C1orf21: variants seen among roughly 807,000 people sequenced by gnomAD.
The protein encoded by C1orf21 is chromosome 1 open reading frame 21, also known as uncharacterized protein C1orf21.
Under a neutral mutation model 18.7 loss-of-function variants are expected in C1orf21, and 3 were observed. That is an observed-to-expected ratio of 0.16 (90% CI 0.07 to 0.42). The LOEUF (loss-of-function observed/expected upper bound fraction) is 0.42. Among genes scored for constraint, C1orf21 ranks in the 10% least tolerant of loss-of-function variants. The pLI is 0.99. For missense variants in C1orf21, 104 were observed against 143.6 expected, an observed-to-expected ratio of 0.72 and a Z score of 1.41; for synonymous variants, 41 against 46.4, an observed-to-expected ratio of 0.88 and a Z score of 0.47.
chr1:184,481,285 C>A (rs567123781), intron 2 of C1orf21, among the ~76,000 whole-genome samples: 1 of 152,318 alleles, frequency 6.6e-6, no homozygotes, highest in Non-Finnish European at 1.5e-5. Flanking sequence ...GGTGGGTCAG[C>A]TGTGGTGACA....
At chr1:184,509,690 A>G (rs1658116335) in intron 3 of C1orf21, among the ~76,000 whole-genome samples, 1 of 152,172 alleles carries the variant, frequency 6.6e-6, no homozygotes, top group South Asian at 2.1e-4. Context: ...TAGATTTAAC[A>G]ATTCTTTTTT....
chr1:184,495,702 G>A (rs1657883441), intron 2 of C1orf21, among the ~76,000 whole-genome samples: 1 of 151,800 alleles, frequency 6.6e-6, no homozygotes, highest in South Asian at 2.1e-4. Context: ...CGGGTGGATC[G>A]TGAGGTCAGG....
chr1:184,604,315 G>A (rs890841632), intron 5 of C1orf21, among the ~76,000 whole-genome samples: 3 of 152,250 alleles, frequency 2.0e-5, no homozygotes, highest in Non-Finnish European at 4.4e-5. Flanking sequence ...CCTGCCCCAC[G>A]TGTGCAGAGA....
intron 1 of C1orf21, among the ~76,000 whole-genome samples, chr1:184,398,644 G>A (rs1258597311): frequency 6.6e-6 from 1 of 152,124 alleles, no homozygotes; most frequent in African/African-American, 2.4e-5. Flanking sequence ...GGTATAGCTT[G>A]CTGCACACCT....
At chr1:184,404,937 G>A (rs1351393942) in intron 1 of C1orf21, among the ~76,000 whole-genome samples, 1 of 152,130 alleles carries the variant, frequency 6.6e-6, no homozygotes, top group Non-Finnish European at 1.5e-5. Context: ...GCCTTCCACA[G>A]ATTTCCATCC....
chr1:184,603,465 A>G (rs1011026721), intron 5 of C1orf21, among the ~76,000 whole-genome samples: 2 of 152,220 alleles, frequency 1.3e-5, no homozygotes, highest in Non-Finnish European at 2.9e-5. Context: ...ACTCTGAGAA[A>G]GAGCAGTATG....
intron 1 of C1orf21, among the ~76,000 whole-genome samples, chr1:184,392,554 A>T (rs1253351167): frequency 2.6e-5 from 4 of 152,256 alleles, no homozygotes; most frequent in South Asian, 2.1e-4. Context: ...CAATATATCC[A>T]TGTCACAGAA....
chr1:184,458,586 A>G (rs1657255516), intron 1 of C1orf21, among the ~76,000 whole-genome samples: 1 of 152,208 alleles, frequency 6.6e-6, no homozygotes, highest in Non-Finnish European at 1.5e-5. Flanking sequence ...ATAATTTGAA[A>G]CAGCTCCAAA....
intron 1 of C1orf21, among the ~76,000 whole-genome samples, chr1:184,388,059 G>A (rs546131054): frequency 2.6e-5 from 4 of 152,304 alleles, no homozygotes; most frequent in African/African-American, 9.6e-5. Flanking sequence ...AAGTGCCGCC[G>A]CCGCGGCTGC....
chr1:184,560,302 A>G (rs1166088821), intron 3 of C1orf21, among the ~76,000 whole-genome samples: 1 of 152,202 alleles, frequency 6.6e-6, no homozygotes, highest in East Asian at 1.9e-4. Context: ...ATGACTTTGG[A>G]GAGTAATTCA....
At chr1:184,460,617 G>A (rs866726283) in intron 1 of C1orf21, among the ~76,000 whole-genome samples, 7 of 116,480 alleles carry the variant, frequency 6.0e-5, no homozygotes, top group African/African-American at 1.1e-4. Flanking sequence ...TATTGTCGTC[G>A]TCGTCTTCTT....
At chr1:184,406,747 C>T (rs1050441865) in intron 1 of C1orf21, among the ~76,000 whole-genome samples, 1 of 152,124 alleles carries the variant, frequency 6.6e-6, no homozygotes, top group South Asian at 2.1e-4. Context: ...ATGGGTTTGT[C>T]ACAGTAAGTG....
intron 3 of C1orf21, among the ~76,000 whole-genome samples, chr1:184,582,938 A>T (rs1659296460): frequency 6.6e-6 from 1 of 152,172 alleles, no homozygotes; most frequent in African/African-American, 2.4e-5. Flanking sequence ...TCCCGGTTTC[A>T]AGAGATTCTC....
chr1:184,430,394 T>C (rs1005748657), intron 1 of C1orf21, among the ~76,000 whole-genome samples: 5 of 152,220 alleles, frequency 3.3e-5, no homozygotes, highest in African/African-American at 1.2e-4. Context: ...AGTTTACGAT[T>C]TGTAAGGCTT....
chr1:184,497,698 G>C (rs1426892121), intron 2 of C1orf21, among the ~76,000 whole-genome samples: 1 of 152,158 alleles, frequency 6.6e-6, no homozygotes, highest in African/African-American at 2.4e-5. Flanking sequence ...AAATGACTCT[G>C]TCCAGTTTCT....
intron 3 of C1orf21, chr1:184,542,571 A>G (rs1055329041): frequency 2.0e-5 from 3 of 152,234 alleles, no homozygotes; most frequent in Admixed American, 6.5e-5. Context: ...CCTGGCAAGC[A>G]TGTCAGAATT....
At chr1:184,544,090 A>T (rs944656017) in intron 3 of C1orf21, among the ~76,000 whole-genome samples, 3 of 152,210 alleles carry the variant, frequency 2.0e-5, no homozygotes, top group African/African-American at 7.2e-5. Flanking sequence ...TTGAATTTAC[A>T]TCTCTTCTGA....
intron 1 of C1orf21, among the ~76,000 whole-genome samples, chr1:184,409,307 T>C (rs1431159803): frequency 6.6e-6 from 1 of 152,122 alleles, no homozygotes; most frequent in East Asian, 1.9e-4. Context: ...TATTTGCTTT[T>C]TGTAGAAAGA....
chr1:184,489,879 G>A (rs941931553), intron 2 of C1orf21, among the ~76,000 whole-genome samples: 3 of 152,174 alleles, frequency 2.0e-5, no homozygotes, highest in Admixed American at 6.5e-5. Context: ...AGTTTCAGGT[G>A]ATTCTTAATT....
Sources: gnomAD v4.1 joint callset for allele counts (sites outside exome capture counted in the v4.1 genomes callset) on GRCh38, gnomAD v4.1.1 for gene constraint, MANE v1.5 for transcripts, NCBI Gene and HGNC (gene_info 2026-07-23, HGNC 2026-07-21) for gene names.